The following TRAPPC9 variants were observed in gnomAD, a reference collection of about 807,000 sequenced individuals.
TRAPPC9 encodes trafficking protein particle complex subunit 9, also known as IKK2 binding protein.
TRAPPC9 carries 83 observed loss-of-function variants against 124.0 expected under a neutral mutation model. The observed-to-expected ratio is 0.67, with a 90% CI of 0.56 to 0.80. The LOEUF (loss-of-function observed/expected upper bound fraction) is 0.80, where lower values mean the gene tolerates loss of function less well. Ranked by LOEUF, TRAPPC9 falls within the 30% of genes least tolerant of loss-of-function variation. The pLI, the probability that TRAPPC9 is intolerant of heterozygous loss-of-function variation, is 0.00. For missense variants in TRAPPC9, 1,302 were observed against 1,508.3 expected (o/e 0.86, Z 2.27); for synonymous variants, 638 against 617.5 (o/e 1.03, Z -0.49).
At chr8:139,875,231 G>A (rs13251607) in intron 21 of TRAPPC9, among the ~76,000 whole-genome samples, 31,379 of 152,092 alleles carry the variant, frequency 0.21, 3,817 homozygotes, top group East Asian at 0.34. Context: ...CATCCAGGCT[G>A]CCTGGGTTCA....
chr8:139,833,504 G>A (rs1022168941), intron 21 of TRAPPC9, among the ~76,000 whole-genome samples: 2 of 152,188 alleles, frequency 1.3e-5, no homozygotes, highest in Admixed American at 6.5e-5. Flanking sequence ...ATCCGGCCAC[G>A]GCACCTGGCT....
intron 18 of TRAPPC9, among the ~76,000 whole-genome samples, chr8:140,001,097 C>T (rs1044482926): frequency 9.2e-5 from 14 of 152,084 alleles, no homozygotes; most frequent in African/African-American, 2.9e-4. Flanking sequence ...ATGGATGAAG[C>T]TGGAAACCAT....
intron 21 of TRAPPC9, among the ~76,000 whole-genome samples, chr8:139,827,912 G>A (rs1825746696): frequency 6.6e-6 from 1 of 152,152 alleles, no homozygotes; most frequent in South Asian, 2.1e-4. Flanking sequence ...CACACAGTGA[G>A]AGCAAAAGTG....
At chr8:140,236,115 C>T (rs1266785694) in intron 16 of TRAPPC9, among the ~76,000 whole-genome samples, 1 of 136,136 alleles carries the variant, frequency 7.3e-6, no homozygotes, top group African/African-American at 2.8e-5. Flanking sequence ...CAGAGTCTCA[C>T]TTTGTCACCC....
intron 11 of TRAPPC9, among the ~76,000 whole-genome samples, chr8:140,297,104 C>T (rs1445695448): frequency 6.6e-6 from 1 of 152,202 alleles, no homozygotes; most frequent in Non-Finnish European, 1.5e-5. Flanking sequence ...ATTTGTACAG[C>T]TCTCTCCTGC....
Position 139,729,003 on chromosome 8 carries a change from C to G in TRAPPC9, c.*2058G>C, listed in dbSNP as rs556405545. 6.6e-6 allele frequency among the ~76,000 whole-genome samples: 1 copy of G among 152,330 alleles called. No homozygotes were observed. The highest frequency in any genetic ancestry group is 1.5e-5 in the Non-Finnish European group (1 of 68,034). On this transcript the variant is annotated 3_prime_UTR_variant, in exon 23 of 23. Transcript: ENST00000438773. The stretch of plus-strand genomic sequence containing the variant: ...TCTAGGCTTCTATATGCATCTATAT[C>G]TAATCTGGATCTGTGGCTGGATCTA...
intron 4 of TRAPPC9, among the ~76,000 whole-genome samples, chr8:140,429,015 G>A (rs1023707625): frequency 8.6e-5 from 13 of 151,948 alleles, no homozygotes; most frequent in African/African-American, 2.2e-4. Context: ...TCTAAACCCC[G>A]GAAGCCAATC....
chr8:140,330,110 GTTCACGCTTT>G (rs2066857597), intron 9 of TRAPPC9, among the ~76,000 whole-genome samples: 1 of 151,876 alleles, frequency 6.6e-6, no homozygotes, highest in Non-Finnish European at 1.5e-5. Flanking sequence ...AATGCTATAT[GTTCACGCTTT>G]TTGCTTTCTT....
chr8:139,768,085 C>A (rs77148325), intron 21 of TRAPPC9, among the ~76,000 whole-genome samples: 1,796 of 152,206 alleles, frequency 0.012, 35 homozygotes, highest in African/African-American at 0.041. Context: ...CTAAAAACTC[C>A]CTATAGTCCA....
At chr8:140,363,445 T>C (rs1054328956) in intron 8 of TRAPPC9, among the ~76,000 whole-genome samples, 13 of 152,214 alleles carry the variant, frequency 8.5e-5, no homozygotes, top group Admixed American at 4.6e-4. Context: ...TTTAAAGCAG[T>C]CCAGAGCCAC....
At chr8:139,915,202 A>G (rs1832042047) in intron 19 of TRAPPC9, among the ~76,000 whole-genome samples, 2 of 152,136 alleles carry the variant, frequency 1.3e-5, no homozygotes, top group African/African-American at 4.8e-5. Context: ...GCAAGGTAAC[A>G]GCTCTTTGAG....
At chr8:140,188,576 G>A (rs2062402469) in intron 17 of TRAPPC9, among the ~76,000 whole-genome samples, 1 of 152,092 alleles carries the variant, frequency 6.6e-6, no homozygotes, top group Non-Finnish European at 1.5e-5. Flanking sequence ...GACCTTGATG[G>A]CACAGATCTC....
chr8:140,082,620 C>A (rs896906692), intron 17 of TRAPPC9, among the ~76,000 whole-genome samples: 11 of 152,178 alleles, frequency 7.2e-5, no homozygotes, highest in African/African-American at 2.4e-4. Flanking sequence ...AATAGCCTAG[C>A]CTTTGACAAA....
At position 140,221,318 on chromosome 8, in the gene TRAPPC9, A is replaced by G. The variant is rs577301886; in HGVS notation, c.2556+141T>C. On this transcript the variant is annotated intron_variant, in intron 17 of 22. Coordinates refer to ENST00000438773, the MANE Select transcript of TRAPPC9 (RefSeq NM_001160372.4). ...GTGACGGCTTTCCAAAACATTGTCC[A>G]AGAACAAAGAATACCAAGAATCCAG... 9.0e-5 allele frequency: 118 copies of G among 1,314,320 alleles called. 1 individual carries two copies. In the African/African-American group the frequency reaches 1.6e-3, roughly 18 times the overall value. 81.4% of individuals were successfully genotyped at this position (1,314,320 alleles called of 1,614,324 possible).
At chr8:140,125,587 CTTTTTTTTTTT>C (rs11292333) in intron 17 of TRAPPC9, among the ~76,000 whole-genome samples, 5 of 67,814 alleles carry the variant, frequency 7.4e-5, no homozygotes, top group African/African-American at 2.5e-4. Flanking sequence ...GAATCTCATT[CTTTTTTTTTTT>C]TTTTTTTTTT....
chr8:140,024,848 T>G (rs1401968853), intron 17 of TRAPPC9, among the ~76,000 whole-genome samples: 1 of 152,184 alleles, frequency 6.6e-6, no homozygotes, highest in East Asian at 1.9e-4. Context: ...GGGGTGCTTC[T>G]ATCCAGAAGG....
chr8:140,150,487 A>G (rs574318349), intron 17 of TRAPPC9, among the ~76,000 whole-genome samples: 234 of 152,288 alleles, frequency 1.5e-3, no homozygotes, highest in African/African-American at 5.4e-3. Flanking sequence ...ATTGAACCTC[A>G]TGTGTACGTA....
At chr8:139,998,382 G>GT (rs1368042830) in intron 18 of TRAPPC9, among the ~76,000 whole-genome samples, 1 of 152,158 alleles carries the variant, frequency 6.6e-6, no homozygotes, top group African/African-American at 2.4e-5. Flanking sequence ...AACAAAAATG[G>GT]TAAGTATCTG....
intron 21 of TRAPPC9, among the ~76,000 whole-genome samples, chr8:139,770,092 C>T (rs1047008297): frequency 4.6e-5 from 7 of 152,240 alleles, no homozygotes; most frequent in African/African-American, 1.7e-4. Flanking sequence ...CAGACACCAG[C>T]GAAAGCCCAA....
Sources: gnomAD v4.1 joint callset for allele counts (sites outside exome capture counted in the v4.1 genomes callset) on GRCh38, gnomAD v4.1.1 for gene constraint, MANE v1.5 for transcripts, NCBI Gene and HGNC (gene_info 2026-07-23, HGNC 2026-07-21) for gene names.